The following FHAD1 variants were observed in gnomAD, a reference collection of about 807,000 sequenced individuals.
The protein encoded by FHAD1 is forkhead-associated domain-containing protein 1.
A neutral mutation model predicts 191.3 loss-of-function variants in FHAD1; 146 were observed. That is an observed-to-expected ratio of 0.76 (90% confidence interval 0.67 to 0.88). The LOEUF (loss-of-function observed/expected upper bound fraction) is 0.88. Ranked by LOEUF, FHAD1 falls within the 40% of genes least tolerant of loss-of-function variation. The pLI is 0.00. For missense variants in FHAD1, 1,635 were observed against 1,785.8 expected, an observed-to-expected ratio of 0.92 and a Z score of 1.52; for synonymous variants, 616 against 672.3, an observed-to-expected ratio of 0.92 and a Z score of 1.29.
chr1:15,367,137 C>T (rs1309000062), intron 24 of FHAD1, among the ~76,000 whole-genome samples: 2 of 152,152 alleles, frequency 1.3e-5, no homozygotes, highest in African/African-American at 4.8e-5. Flanking sequence ...TCTATATCTG[C>T]TCACTCTTAG....
At position 15,329,636 on chromosome 1, in the gene FHAD1, G is replaced by A; in HGVS notation, c.1906+95G>A. The A allele has an allele frequency of 5.0e-6, 6 of 1,196,644 alleles. No individual in the cohort carries two copies. The South Asian group carries it at 6.9e-5, about 14-fold the overall frequency. 74.1% of individuals were successfully genotyped at this position (1,196,644 alleles called of 1,614,324 possible). On this transcript the variant is annotated intron_variant, in intron 14 of 33. Transcript: ENST00000688493. This position sits in a 1 kb window ranked among gnomAD's most constrained non-coding sequence, Gnocchi z 5.0. ...GACATCTGTTGAGGAAGTCTTCCTG[G>A]GTATCTGGCCAAGTCTATTCCCTTC...
chr1:15,387,608 G>A (rs1702456242), intron 31 of FHAD1, among the ~76,000 whole-genome samples: 1 of 152,122 alleles, frequency 6.6e-6, no homozygotes, highest in Non-Finnish European at 1.5e-5. Flanking sequence ...AAATTAGCTG[G>A]GTGTGGTGAC....
intron 18 of FHAD1, among the ~76,000 whole-genome samples, chr1:15,346,268 T>C (rs1688895763): frequency 6.6e-6 from 1 of 152,170 alleles, no homozygotes; most frequent in African/African-American, 2.4e-5. Flanking sequence ...CCTGTGGAAG[T>C]TATATTTGGC....
At chr1:15,300,676 C>T (rs541296092) in intron 5 of FHAD1, among the ~76,000 whole-genome samples, 7 of 152,216 alleles carry the variant, frequency 4.6e-5, no homozygotes, top group African/African-American at 1.4e-4. Flanking sequence ...AAGTTTCTGT[C>T]GCTCTAAGGT....
At chr1:15,340,323 G>A (rs780511894) in intron 15 of FHAD1, among the ~76,000 whole-genome samples, 16 of 152,206 alleles carry the variant, frequency 1.1e-4, no homozygotes, top group Non-Finnish European at 2.1e-4. Flanking sequence ...GCGGCATTCA[G>A]CAATTGCTAT....
intron 10 of FHAD1, among the ~76,000 whole-genome samples, chr1:15,321,265 CG>C (rs1006873604): frequency 2.6e-5 from 4 of 152,272 alleles, no homozygotes; most frequent in Non-Finnish European, 5.9e-5. Context: ...CCTTTGCCCC[CG>C]TACTAGCTTG....
Position 15,306,850 on chromosome 1 carries a change from A to G in FHAD1, c.916-1763A>G, listed in dbSNP as rs377707247. ...GGGGCCCTCATGGAGAACCTTTGCT[A>G]GGGCAGTGTGGAAGGGAAATGTGGG... On this transcript the variant is annotated intron_variant, in intron 6 of 33. Coordinates refer to ENST00000688493, the MANE Select transcript of FHAD1 (RefSeq NM_001391957.1). Among the ~76,000 whole-genome samples, 286 of 152,370 alleles carry G rather than the reference A, an allele frequency of 1.9e-3. 2 individuals carry two copies. Among genetic ancestry groups the G allele is most frequent in the Non-Finnish European group, 1.6e-3 (111 of 68,036 alleles).
intron 10 of FHAD1, among the ~76,000 whole-genome samples, chr1:15,323,237 A>C (rs1349555157): frequency 6.6e-6 from 1 of 152,186 alleles, no homozygotes; most frequent in Non-Finnish European, 1.5e-5. Flanking sequence ...CTGGTGCCAA[A>C]GGCCTGCTGT....
intron 21 of FHAD1, among the ~76,000 whole-genome samples, chr1:15,359,200 G>A (rs753270266): frequency 7.2e-5 from 11 of 152,136 alleles, no homozygotes; most frequent in Non-Finnish European, 1.5e-4. Context: ...AGTAAGGCGA[G>A]GATAGGGCAT....
At chr1:15,293,531 A>G (rs1422617593) in intron 4 of FHAD1, among the ~76,000 whole-genome samples, 6 of 152,116 alleles carry the variant, frequency 3.9e-5, no homozygotes, top group African/African-American at 1.2e-4. Context: ...CAGCCTGACT[A>G]ACATGGTGAA....
intron 28 of FHAD1, among the ~76,000 whole-genome samples, chr1:15,380,400 G>A (rs1246059181): frequency 2.0e-5 from 3 of 152,204 alleles, no homozygotes; most frequent in Non-Finnish European, 4.4e-5. Context: ...ATGGCCCAGG[G>A]GAGGGGACAA....
Position 15,312,521 on chromosome 1 carries a change from G to A in FHAD1, c.1040-536G>A, listed in dbSNP as rs897761994. ...TACAAAAAATACAAAAATTAGCCAG[G>A]CATAGTGGCACGTACCTGTAGTCCT... On this transcript the variant is annotated intron_variant, in intron 7 of 33. Coordinates refer to ENST00000688493, the MANE Select transcript of FHAD1 (RefSeq NM_001391957.1). This position sits in a 1 kb window ranked among gnomAD's most constrained non-coding sequence, Gnocchi z 4.7. 7.2e-5 allele frequency among the ~76,000 whole-genome samples: 11 copies of A among 152,250 alleles called. No individual in the cohort carries two copies. Among genetic ancestry groups the A allele is most frequent in the Middle Eastern group, 3.4e-3 (1 of 294 alleles).
intron 2 of FHAD1, among the ~76,000 whole-genome samples, chr1:15,260,697 A>T (rs1650621649): frequency 6.6e-6 from 1 of 152,158 alleles, no homozygotes; most frequent in Non-Finnish European, 1.5e-5. Flanking sequence ...ACCAGCAACA[A>T]TGGTTCTAGT....
At chr1:15,272,581 C>G in intron 3 of FHAD1, 52 bp downstream of exon 3, 1 of 1,488,496 alleles carries the variant, frequency 6.7e-7, no homozygotes, top group East Asian at 2.5e-5. Context: ...TCGTGCAGCC[C>G]GGCGCTCGGA....
chr1:15,269,870 T>A (rs1484835687), intron 2 of FHAD1, among the ~76,000 whole-genome samples: 1 of 152,192 alleles, frequency 6.6e-6, no homozygotes, highest in Non-Finnish European at 1.5e-5. Flanking sequence ...CAAGCATTGT[T>A]ATGTCTTCTT....
intron 21 of FHAD1, among the ~76,000 whole-genome samples, chr1:15,359,301 T>C (rs488595): frequency 0.62 from 94,866 of 151,870 alleles, 31,063 homozygotes; most frequent in African/African-American, 0.83. Flanking sequence ...GCCTCTTAGG[T>C]AGGGTCCTTG....
chr1:15,285,547 A>G (rs1662139986), intron 3 of FHAD1, among the ~76,000 whole-genome samples: 1 of 152,150 alleles, frequency 6.6e-6, no homozygotes, highest in African/African-American at 2.4e-5. Context: ...AAATAAATAA[A>G]TAAATAACAA....
At chr1:15,304,006 T>A (rs1669642408) in intron 6 of FHAD1, among the ~76,000 whole-genome samples, 1 of 152,246 alleles carries the variant, frequency 6.6e-6, no homozygotes, top group Admixed American at 6.5e-5. Flanking sequence ...AAGTTTCATC[T>A]GCTCACATTT....
intron 18 of FHAD1, among the ~76,000 whole-genome samples, chr1:15,345,911 C>T (rs1688749909): frequency 1.3e-5 from 2 of 152,146 alleles, no homozygotes; most frequent in African/African-American, 2.4e-5. Flanking sequence ...TCAGCACCAC[C>T]ACTAAGGAAT....
Sources: gnomAD v4.1 joint callset for allele counts (sites outside exome capture counted in the v4.1 genomes callset) on GRCh38, gnomAD v4.1.1 for gene constraint, Gnocchi (gnomAD v3.1) non-coding constraint, MANE v1.5 for transcripts, NCBI Gene and HGNC (gene_info 2026-07-23, HGNC 2026-07-21) for gene names.